Variants in PRKG2 observed in about 807,000 individuals in gnomAD.
The protein encoded by PRKG2 is cGMP-dependent protein kinase 2.
A neutral mutation model predicts 97.2 loss-of-function variants in PRKG2; 33 were observed. The ratio of observed to expected loss-of-function variants is 0.34; its 90% CI spans 0.26 to 0.45. The LOEUF (loss-of-function observed/expected upper bound fraction) is 0.45, where lower values mean the gene tolerates loss of function less well. PRKG2 is among the 20% of genes least tolerant of loss of function. PRKG2 has a pLI of 1.00. For missense variants in PRKG2, 638 were observed against 900.0 expected, an observed-to-expected ratio of 0.71 and a Z score of 3.73; for synonymous variants, 330 against 321.8, an observed-to-expected ratio of 1.03 and a Z score of -0.27.
chr4:81,163,129 G>A (rs753702937), intron 6 of PRKG2, among the ~76,000 whole-genome samples: 4 of 152,200 alleles, frequency 2.6e-5, no homozygotes, highest in Admixed American at 2.6e-4. Flanking sequence ...CAAAACCATG[G>A]GAGGAAGATA....
At chr4:81,101,143 T>C (rs1352162920) in intron 17 of PRKG2, among the ~76,000 whole-genome samples, 1 of 151,746 alleles carries the variant, frequency 6.6e-6, no homozygotes, top group Non-Finnish European at 1.5e-5. Context: ...TCAACCATTG[T>C]GGAAGTCAGT....
chr4:81,138,216 C>T (rs1476626990), intron 12 of PRKG2, among the ~76,000 whole-genome samples: 4 of 152,174 alleles, frequency 2.6e-5, no homozygotes, highest in African/African-American at 9.7e-5. Context: ...CTCCTTGAAG[C>T]TGGGGGAATG....
At chr4:81,164,263 A>T (rs1749801499) in intron 6 of PRKG2, among the ~76,000 whole-genome samples, 1 of 152,166 alleles carries the variant, frequency 6.6e-6, no homozygotes, top group Admixed American at 6.5e-5. Flanking sequence ...AAAGCCTACC[A>T]CAATTCATTG....
chr4:81,113,846 CA>C (rs1744225410), intron 14 of PRKG2, among the ~76,000 whole-genome samples: 1 of 152,050 alleles, frequency 6.6e-6, no homozygotes, highest in Non-Finnish European at 1.5e-5. Flanking sequence ...CACCAACAAC[CA>C]AAGTTGATTT....
At chr4:81,171,616 T>C in intron 4 of PRKG2, 75 bp downstream of exon 4, 1 of 1,113,142 alleles carries the variant, frequency 9.0e-7, no homozygotes, top group Non-Finnish European at 1.3e-6. Flanking sequence ...TGGATCAGGG[T>C]GCAAATGTGA....
At chr4:81,106,162 C>T (rs956402345) in intron 15 of PRKG2, among the ~76,000 whole-genome samples, 1 of 152,112 alleles carries the variant, frequency 6.6e-6, no homozygotes, top group African/African-American at 2.4e-5. Flanking sequence ...GGTAATTGGT[C>T]ATGTGTCGAT....
At chr4:81,159,974 G>C (rs1749471025) in intron 6 of PRKG2, among the ~76,000 whole-genome samples, 1 of 117,238 alleles carries the variant, frequency 8.5e-6, no homozygotes, top group Non-Finnish European at 1.7e-5. Flanking sequence ...TGGGGGGAGG[G>C]GGGAGGGAGA....
At chr4:81,157,904 A>T (rs1466540202) in intron 6 of PRKG2, among the ~76,000 whole-genome samples, 2 of 147,124 alleles carry the variant, frequency 1.4e-5, no homozygotes, top group African/African-American at 5.4e-5. Flanking sequence ...AACTCTCAAT[A>T]AATTAGGTAT....
intron 2 of PRKG2, among the ~76,000 whole-genome samples, chr4:81,201,959 G>C (rs1173325261): frequency 3.9e-5 from 6 of 152,118 alleles, no homozygotes; most frequent in Non-Finnish European, 8.8e-5. Flanking sequence ...CATAAATTCA[G>C]CCAGGATACT....
intron 14 of PRKG2, among the ~76,000 whole-genome samples, chr4:81,133,848 ATT>A (rs11411552): frequency 4.8e-5 from 7 of 144,594 alleles, no homozygotes; most frequent in African/African-American, 1.8e-4. Context: ...ATATATAGCT[ATT>A]TTTTTTTAAA....
At chr4:81,139,265 G>T (rs894618484) in intron 12 of PRKG2, among the ~76,000 whole-genome samples, 4 of 152,136 alleles carry the variant, frequency 2.6e-5, no homozygotes, top group Admixed American at 6.5e-5. Flanking sequence ...GTGCCCAAAT[G>T]CTGCCTTCTG....
At position 81,158,054 on chromosome 4, in the gene PRKG2, A is replaced by C. The variant is rs1451224914; in HGVS notation, c.913-4333T>G. Among the ~76,000 whole-genome samples, 8 of 149,394 alleles carry C rather than the reference A, an allele frequency of 5.4e-5. No homozygotes were observed. In the East Asian group the frequency reaches 1.5e-3, roughly 29 times the overall value. ...ATGCCCTCTCTCACCACTCCTATTC[A>C]ACATAGTGTTGGAAGTTCTGGCCAG... On this transcript the variant is annotated intron_variant, in intron 6 of 18. Coordinates refer to ENST00000264399, the MANE Select transcript of PRKG2 (RefSeq NM_006259.3).
chr4:81,193,122 C>T (rs919687144), intron 2 of PRKG2: 2 of 152,140 alleles, frequency 1.3e-5, no homozygotes, highest in African/African-American at 4.8e-5. Flanking sequence ...GGGCCAGTGA[C>T]CTTGACCTTC....
At chr4:81,213,978 T>C (rs770121601) in intron 1 of PRKG2, among the ~76,000 whole-genome samples, 5 of 152,084 alleles carry the variant, frequency 3.3e-5, no homozygotes, top group Non-Finnish European at 7.4e-5. Context: ...TATTAGCTCA[T>C]ACCCTCCTGT....
At chr4:81,208,400 A>C (rs73829511) in intron 1 of PRKG2, among the ~76,000 whole-genome samples, 2,080 of 152,216 alleles carry the variant, frequency 0.014, 62 homozygotes, top group African/African-American at 0.048. Context: ...AGTAAACTGG[A>C]TGTCTTCCAC....
At chr4:81,108,074 G>A (rs1353406948) in intron 15 of PRKG2, among the ~76,000 whole-genome samples, 1 of 151,824 alleles carries the variant, frequency 6.6e-6, no homozygotes, top group African/African-American at 2.4e-5. Context: ...GCATAGTGGT[G>A]GGCACCTATA....
intron 11 of PRKG2, among the ~76,000 whole-genome samples, chr4:81,142,203 A>C (rs1228190257): frequency 6.6e-6 from 1 of 152,206 alleles, no homozygotes; most frequent in East Asian, 1.9e-4. Flanking sequence ...AACTAAAATC[A>C]GGCTGTAAGT....
chr4:81,131,898 A>G (rs1746217824), intron 14 of PRKG2, among the ~76,000 whole-genome samples: 1 of 151,822 alleles, frequency 6.6e-6, no homozygotes, highest in South Asian at 2.1e-4. Context: ...GTTCTTTTTC[A>G]AAGTGTTTAT....
At chr4:81,168,648 A>G (rs1750200389) in intron 5 of PRKG2, among the ~76,000 whole-genome samples, 1 of 152,102 alleles carries the variant, frequency 6.6e-6, no homozygotes, top group Non-Finnish European at 1.5e-5. Context: ...ATGATAGCTA[A>G]TGCATTGGCT....
Sources: gnomAD v4.1 joint callset for allele counts (sites outside exome capture counted in the v4.1 genomes callset) on GRCh38, gnomAD v4.1.1 for gene constraint, MANE v1.5 for transcripts, NCBI Gene and HGNC (gene_info 2026-07-23, HGNC 2026-07-21) for gene names.